Variants in RAP1GAP2 observed in about 807,000 individuals in gnomAD.
The protein encoded by RAP1GAP2 is RAP1 GTPase activating protein 2, also known as rap1 GTPase-activating protein 2.
In RAP1GAP2, 27 loss-of-function variants were observed where a neutral mutation model predicts 95.0. That is an observed-to-expected ratio of 0.28 (90% CI 0.21 to 0.39). The LOEUF is 0.39. Among genes scored for constraint, RAP1GAP2 ranks in the 10% least tolerant of loss-of-function variants. RAP1GAP2 has a pLI of 1.00. For missense variants in RAP1GAP2, 771 were observed against 970.0 expected (o/e 0.79, Z 2.72); for synonymous variants, 373 against 380.9 (o/e 0.98, Z 0.24).
intron 8 of RAP1GAP2, among the ~76,000 whole-genome samples, chr17:2,966,259 T>C (rs566322822): frequency 2.2e-4 from 33 of 152,226 alleles, no homozygotes; most frequent in African/African-American, 7.2e-4. Flanking sequence ...GTGTTAGAGA[T>C]ACCATGATGG....
At chr17:2,818,072 G>A (rs748304947) in intron 2 of RAP1GAP2, among the ~76,000 whole-genome samples, 25 of 151,608 alleles carry the variant, frequency 1.6e-4, no homozygotes, top group Non-Finnish European at 2.9e-4. Context: ...TCCTGACCTC[G>A]TGATCTGCCC....
chr17:3,018,330 C>A, intron 18 of RAP1GAP2, 132 bp downstream of exon 18: 1 of 1,240,152 alleles, frequency 8.1e-7, no homozygotes, highest in Non-Finnish European at 1.1e-6. Flanking sequence ...TGGTGGGAAA[C>A]TGAGGCTGCT....
At chr17:2,793,507 A>G (rs1488885266), upstream of RAP1GAP2, among the ~76,000 whole-genome samples, 7 of 152,188 alleles carry the variant, frequency 4.6e-5, no homozygotes, top group Admixed American at 2.0e-4. Context: ...GCACCTCCCA[A>G]CTGAGGCTGT....
At chr17:2,786,524 C>T (rs1382834125) in intron 1 of RAP1GAP2, among the ~76,000 whole-genome samples, 1 of 152,188 alleles carries the variant, frequency 6.6e-6, no homozygotes, top group African/African-American at 2.4e-5. Context: ...CAGGGGAGGG[C>T]GGGAGTGACC....
chr17:2,901,406 T>C (rs1303064010), intron 2 of RAP1GAP2, among the ~76,000 whole-genome samples: 4 of 152,210 alleles, frequency 2.6e-5, no homozygotes, highest in Middle Eastern at 3.4e-3. Flanking sequence ...GCTGTCCCCA[T>C]CTCCAGCCCC....
rs776329170 is a variant in RAP1GAP2 at position 2,998,334 on chromosome 17, C to G, written c.1158C>G (p.Val386=). ...CCAATTTCTTACATGCCTACATCGT[C>G]GTGCAGGTCGAGACCCCAGGCACAG... ...IASNFLHAYI[V]VQVETPGTET... is the part of the protein sequence containing the mutation. Residue 386 remains valine (V), a synonymous_variant, in exon 14 of 25, where the codon GTC becomes GTG. Transcript: ENST00000254695. 1 of 1,614,032 alleles carries G rather than the reference C, an allele frequency of 6.2e-7. No individual in the cohort carries two copies. Among genetic ancestry groups the G allele is most frequent in the Admixed American group, 1.7e-5 (1 of 60,030 alleles).
intron 2 of RAP1GAP2, among the ~76,000 whole-genome samples, chr17:2,840,458 C>T (rs916620501): frequency 5.3e-5 from 8 of 152,044 alleles, no homozygotes; most frequent in East Asian, 1.9e-4. Context: ...CCACAGTGCC[C>T]GGCTGTTATT....
chr17:2,969,545 A>T (rs2044768228), intron 8 of RAP1GAP2, among the ~76,000 whole-genome samples: 1 of 112,210 alleles, frequency 8.9e-6, no homozygotes, highest in African/African-American at 3.5e-5. Flanking sequence ...TCTGTTGCCC[A>T]GGTTGGAGTG....
intron 3 of RAP1GAP2, among the ~76,000 whole-genome samples, chr17:2,954,165 C>T (rs1470476047): frequency 2.0e-5 from 3 of 151,848 alleles, no homozygotes; most frequent in African/African-American, 7.3e-5. Flanking sequence ...AGTGCAGTAG[C>T]GCGATCTTGG....
At chr17:2,762,785 T>A (rs1178115823) in intron 1 of RAP1GAP2, among the ~76,000 whole-genome samples, 1 of 152,008 alleles carries the variant, frequency 6.6e-6, no homozygotes, top group African/African-American at 2.4e-5. Context: ...CAAGTGATCC[T>A]CCTGCCTCAG....
intron 2 of RAP1GAP2, among the ~76,000 whole-genome samples, chr17:2,813,944 C>T (rs1396557824): frequency 6.6e-6 from 1 of 151,404 alleles, no homozygotes; most frequent in Non-Finnish European, 1.5e-5. Context: ...GCCTGGGCAA[C>T]AGAGTGAGAC....
At chr17:2,962,551 A>T in intron 4 of RAP1GAP2, 119 bp from the exon 5 acceptor site, 2 of 1,108,360 alleles carry the variant, frequency 1.8e-6, no homozygotes, top group Non-Finnish European at 2.6e-6. Context: ...CAGGCCCAGC[A>T]CGGGCCAGCT....
chr17:2,885,626 C>CCACG (rs1221308180), intron 2 of RAP1GAP2, among the ~76,000 whole-genome samples: 1 of 152,224 alleles, frequency 6.6e-6, no homozygotes, highest in African/African-American at 2.4e-5. Flanking sequence ...ACCACGTACA[C>CCACG]TCAGTTCTGG....
chr17:3,030,648 TTCAAGTATTTATTACC>T (rs2151673087), intron 22 of RAP1GAP2, among the ~76,000 whole-genome samples: 1 of 152,318 alleles, frequency 6.6e-6, no homozygotes, highest in South Asian at 2.1e-4. Context: ...AGTGACGAAT[TTCAAGTATTTATTACC>T]TCTGTTGAAT....
intron 2 of RAP1GAP2, among the ~76,000 whole-genome samples, chr17:2,819,550 T>G (rs1447314532): frequency 2.6e-5 from 4 of 151,868 alleles, no homozygotes; most frequent in Non-Finnish European, 5.9e-5. Flanking sequence ...CTCGGCTCAT[T>G]GCAGCCTCTG....
intron 3 of RAP1GAP2, among the ~76,000 whole-genome samples, chr17:2,932,809 T>C (rs1597648912): frequency 1.2e-5 from 1 of 82,040 alleles, no homozygotes; most frequent in African/African-American, 5.2e-5. Flanking sequence ...AGAGCAAGAC[T>C]CCATCTCAAA....
At chr17:2,824,838 C>T (rs1268679462) in intron 2 of RAP1GAP2, among the ~76,000 whole-genome samples, 3 of 151,358 alleles carry the variant, frequency 2.0e-5, no homozygotes, top group Non-Finnish European at 4.4e-5. Flanking sequence ...GAGGAGGCGG[C>T]GGCTGGAGAT....
chr17:2,777,047 CGT>C (rs1340078157), upstream of RAP1GAP2: 4 of 152,164 alleles, frequency 2.6e-5, no homozygotes, highest in Non-Finnish European at 5.9e-5. Flanking sequence ...AGTGTGAACG[CGT>C]GTGTTTGCAG....
At chr17:2,926,149 C>G (rs1167551310) in intron 3 of RAP1GAP2, among the ~76,000 whole-genome samples, 1 of 147,438 alleles carries the variant, frequency 6.8e-6, no homozygotes, top group South Asian at 2.1e-4. Context: ...AAAAAAGGAA[C>G]CTGGTCAGAG....
Sources: gnomAD v4.1 joint callset for allele counts (sites outside exome capture counted in the v4.1 genomes callset) on GRCh38, gnomAD v4.1.1 for gene constraint, MANE v1.5 for transcripts, NCBI Gene and HGNC (gene_info 2026-07-23, HGNC 2026-07-21) for gene names.